The following NCKAP5 variants were observed in gnomAD, a reference collection of about 807,000 sequenced individuals.
NCKAP5 encodes nck-associated protein 5.
In NCKAP5, 92 loss-of-function variants were observed where a neutral mutation model predicts 167.0. That is an observed-to-expected ratio of 0.55 (90% CI 0.47 to 0.66). The LOEUF is 0.66. NCKAP5 is among the 30% of genes least tolerant of loss of function. NCKAP5 has a pLI of 0.00. For missense variants in NCKAP5, 2,378 were observed against 2,315.0 expected, an observed-to-expected ratio of 1.03 and a Z score of -0.56; for synonymous variants, 891 against 877.4, an observed-to-expected ratio of 1.02 and a Z score of -0.27.
chr2:133,112,860 T>C (rs1256590511), intron 6 of NCKAP5, among the ~76,000 whole-genome samples: 1 of 152,232 alleles, frequency 6.6e-6, no homozygotes, highest in Non-Finnish European at 1.5e-5. Flanking sequence ...GACTGTCTCA[T>C]AGCTGACTGT....
chr2:133,165,645 G>A (rs1255571249), intron 5 of NCKAP5, among the ~76,000 whole-genome samples: 3 of 152,156 alleles, frequency 2.0e-5, no homozygotes, highest in Admixed American at 1.3e-4. Flanking sequence ...AACAGAGACA[G>A]TGATGGGTGT....
At chr2:133,596,286 G>A in the NCKAP5 span, 7,468 of 152,754 alleles carry the variant, frequency 0.049, 269 homozygotes, top group Non-Finnish European at 0.081. Flanking sequence ...AAGGGTATAC[G>A]AGTAGCTGTG....
chr2:133,103,227 T>C (rs1296610293), intron 6 of NCKAP5, among the ~76,000 whole-genome samples: 1 of 152,236 alleles, frequency 6.6e-6, no homozygotes, highest in African/African-American at 2.4e-5. Flanking sequence ...TATTCTATGT[T>C]TGACTATTTT....
intron 3 of NCKAP5, among the ~76,000 whole-genome samples, chr2:133,409,894 G>T (rs1409188466): frequency 2.6e-5 from 4 of 152,082 alleles, no homozygotes; most frequent in Non-Finnish European, 5.9e-5. Flanking sequence ...GACCAAAAAA[G>T]GTTCTTACAC....
chr2:132,817,079 A>G (rs1417877071), intron 11 of NCKAP5, among the ~76,000 whole-genome samples: 1 of 152,170 alleles, frequency 6.6e-6, no homozygotes, highest in African/African-American at 2.4e-5. Flanking sequence ...CTTCTTTCTT[A>G]CTGATTTTAC....
At chr2:133,292,756 T>C (rs1218928259) in intron 4 of NCKAP5, among the ~76,000 whole-genome samples, 1 of 152,204 alleles carries the variant, frequency 6.6e-6, no homozygotes, top group Non-Finnish European at 1.5e-5. Context: ...TACAGTATTA[T>C]TCAAATCCAA....
At chr2:133,213,662 C>T in intron 5 of NCKAP5, 54 bp downstream of exon 5, 1 of 1,573,978 alleles carries the variant, frequency 6.4e-7, no homozygotes, top group African/African-American at 1.3e-5. Context: ...AAGTAGCTTT[C>T]AAGCCAGAGA....
At chr2:133,032,877 G>A (rs1170798812) in intron 6 of NCKAP5, among the ~76,000 whole-genome samples, 1 of 152,124 alleles carries the variant, frequency 6.6e-6, no homozygotes, top group African/African-American at 2.4e-5. Flanking sequence ...GTACCAGTGG[G>A]GAGAGACAGA....
At chr2:133,372,011 C>T (rs1685839002) in intron 3 of NCKAP5, among the ~76,000 whole-genome samples, 2 of 151,506 alleles carry the variant, frequency 1.3e-5, no homozygotes, top group Admixed American at 1.3e-4. Context: ...GTAAGAAGTG[C>T]ACTCATATAC....
chr2:133,162,955 T>C (rs987812477), intron 5 of NCKAP5, among the ~76,000 whole-genome samples: 1 of 152,178 alleles, frequency 6.6e-6, no homozygotes, highest in Non-Finnish European at 1.5e-5. Context: ...ACTAGAGAAC[T>C]AGGATGATGC....
intron 5 of NCKAP5, among the ~76,000 whole-genome samples, chr2:133,208,260 G>T (rs1300461281): frequency 3.9e-5 from 6 of 152,094 alleles, no homozygotes; most frequent in Non-Finnish European, 8.8e-5. Flanking sequence ...AAACTCTTGA[G>T]CCCGGCAGGA....
chr2:133,620,443 T>C, the NCKAP5 span, among the ~76,000 whole-genome samples: 1 of 151,862 alleles, frequency 6.6e-6, no homozygotes, highest in Non-Finnish European at 1.5e-5. Context: ...TCCATGCAAA[T>C]GGACAAGAAA....
chr2:133,272,648 T>TA (rs1169242978), intron 4 of NCKAP5, among the ~76,000 whole-genome samples: 2 of 152,224 alleles, frequency 1.3e-5, no homozygotes, highest in African/African-American at 4.8e-5. Flanking sequence ...TATGCACCGT[T>TA]ATGCAACCAT....
chr2:132,821,389 C>T (rs895030531), intron 11 of NCKAP5, among the ~76,000 whole-genome samples: 5 of 150,622 alleles, frequency 3.3e-5, no homozygotes, highest in African/African-American at 1.2e-4. Context: ...CTCCCAGCTT[C>T]TAGCTTAAGC....
intron 16 of NCKAP5, among the ~76,000 whole-genome samples, chr2:132,758,758 A>G (rs1001356472): frequency 2.0e-5 from 3 of 152,194 alleles, no homozygotes; most frequent in Non-Finnish European, 4.4e-5. Context: ...AATGGCACAG[A>G]TCAGACGAGC....
At chr2:132,888,463 C>T (rs192607195) in intron 8 of NCKAP5, among the ~76,000 whole-genome samples, 1 of 152,078 alleles carries the variant, frequency 6.6e-6, no homozygotes, top group South Asian at 2.1e-4. Context: ...ATCTCAGCTC[C>T]CTGCAACCTC....
At chr2:133,428,152 C>A (rs1024074006) in intron 3 of NCKAP5, among the ~76,000 whole-genome samples, 9 of 152,036 alleles carry the variant, frequency 5.9e-5, no homozygotes, top group African/African-American at 2.2e-4. Context: ...CAAGAATATT[C>A]ACAAACCTTT....
intron 3 of NCKAP5, among the ~76,000 whole-genome samples, chr2:133,506,117 C>A (rs946332269): frequency 6.6e-6 from 1 of 152,148 alleles, no homozygotes; most frequent in African/African-American, 2.4e-5. Context: ...ACTAGACCAC[C>A]CTCCCTGCAC....
chr2:133,346,342 G>A (rs1302195873), intron 3 of NCKAP5, among the ~76,000 whole-genome samples: 1 of 152,180 alleles, frequency 6.6e-6, no homozygotes, highest in Non-Finnish European at 1.5e-5. Flanking sequence ...TCCAAGAAGA[G>A]GAGAGATTGA....
Sources: gnomAD v4.1 joint callset for allele counts (sites outside exome capture counted in the v4.1 genomes callset) on GRCh38, gnomAD v4.1.1 for gene constraint, MANE v1.5 for transcripts, NCBI Gene and HGNC (gene_info 2026-07-23, HGNC 2026-07-21) for gene names.